CDK12: variants seen among roughly 807,000 people sequenced by gnomAD.
CDK12 encodes cyclin dependent kinase 12, also known as cyclin-dependent kinase 12.
A neutral mutation model predicts 133.8 loss-of-function variants in CDK12; 17 were observed. The ratio of observed to expected loss-of-function variants is 0.13; its 90% CI spans 0.09 to 0.19. CDK12 has a LOEUF of 0.19. CDK12 is among the 10% of genes least tolerant of loss of function. CDK12 has a pLI of 1.00. For synonymous variants in CDK12, 694 were observed against 683.6 expected, an observed-to-expected ratio of 1.02 and a Z score of -0.24; for missense variants, 1,508 against 1,818.7, an observed-to-expected ratio of 0.83 and a Z score of 3.11.
rs906749932 is a variant in CDK12, at chr17:39,462,064, G to T, written c.-8G>T. On this transcript the variant is annotated 5_prime_UTR_variant, in exon 1 of 14. Transcript: ENST00000447079. ...CTTTTTTCCCTTCTTCAGGTCAGGG[G>T]AAAGGGAATGCCCAATTCAGAGAGA... 3.1e-6 allele frequency: 5 copies of T among 1,611,416 alleles called. No individual in the cohort carries two copies. In the African/African-American group the frequency reaches 6.7e-5, roughly 22 times the overall value.
intron 10 of CDK12, 83 bp from the exon 11 acceptor site, chr17:39,519,873 T>C: frequency 6.5e-7 from 1 of 1,530,300 alleles, no homozygotes; most frequent in East Asian, 2.3e-5. Context: ...GAATTACAGG[T>C]GTGAGACCCT....
At chr17:39,466,978 T>C (rs2049379109) in intron 1 of CDK12, among the ~76,000 whole-genome samples, 1 of 152,008 alleles carries the variant, frequency 6.6e-6, no homozygotes. Flanking sequence ...TATTTTATTT[T>C]ATTTTATTTT....
At chr17:39,566,606 G>A (rs1050192893), downstream of CDK12, among the ~76,000 whole-genome samples, 11 of 151,998 alleles carry the variant, frequency 7.2e-5, no homozygotes, top group African/African-American at 2.4e-4. Context: ...CTTCCAACCC[G>A]AGCCTTCTGT....
At chr17:39,479,402 G>A (rs569008700) in intron 2 of CDK12, among the ~76,000 whole-genome samples, 3 of 151,518 alleles carry the variant, frequency 2.0e-5, no homozygotes, top group African/African-American at 2.4e-5. Flanking sequence ...GCAGCATAAT[G>A]TTGAGAATGT....
At position 39,520,221 on chromosome 17, in the gene CDK12, G is replaced by C. The variant is rs528379613; in HGVS notation, c.3095+134G>C. The C allele has an allele frequency of 5.5e-5, 45 of 819,678 alleles. No homozygotes were observed. In the South Asian group the frequency reaches 8.7e-4, roughly 16 times the overall value. The allele number at this position is 819,678 out of a possible 1,614,324, so 50.8% of individuals were successfully genotyped here. On this transcript the variant is annotated intron_variant, in intron 11 of 13. Coordinates refer to ENST00000447079, the MANE Select transcript of CDK12 (RefSeq NM_016507.4). ...TCTTTGAGTATTATGGTTGAGGTTT[G>C]TTTTTTTTGTTTTATCTTTGTTGTT...
Position 39,462,249 on chromosome 17 carries a change from G to T in CDK12, c.178G>T (p.Ala60Ser), listed in dbSNP as rs1370702346. The T allele has an allele frequency of 6.2e-7, 1 of 1,614,216 alleles. No homozygotes were observed. The highest frequency in any genetic ancestry group is 1.3e-5 in the African/African-American group (1 of 75,048). ...SKDMGLVTPE[A>S]ASLGTVIKPL... ...AGACATGGGGTTGGTGACCCCCGAA[G>T]CAGCATCCCTGGGCACAGTTATCAA... Residue 60 changes from alanine to serine, a missense_variant, in exon 1 of 14, where the codon GCA becomes TCA. Physicochemically the swap from Ala to Ser is moderately conservative, Grantham distance 99. This residue lies in a region of CDK12 where 460 missense variants were observed against 490.8 expected (regional missense o/e 0.94). Coordinates refer to ENST00000447079, the MANE Select transcript of CDK12 (RefSeq NM_016507.4).
rs1567685867 is a variant in CDK12, at chr17:39,471,336, G to T, written c.1504G>T (p.Asp502Tyr). 6.2e-7 allele frequency: 1 copy of T among 1,614,002 alleles called. No individual in the cohort carries two copies. The highest frequency in any genetic ancestry group is 8.5e-7 in the Non-Finnish European group (1 of 1,179,934). ...AGATTTGAAAGCACAGGGAACAAGA[G>T]ACTCTAAACCCATAGCACTGAAAGA... ...VKDLKAQGTR[D>Y]SKPIALKEEI... The change falls in exon 2 of 14, where the codon GAC (aspartate) becomes TAC (tyrosine). Residue 502 changes from aspartate to tyrosine, a missense_variant. Physicochemically the swap from Asp to Tyr is radical, Grantham distance 160. Around this residue, in one of 9 missense-constraint regions of CDK12, gnomAD observed 347 missense variants for 330.8 expected, o/e 1.05. Coordinates refer to ENST00000447079, the MANE Select transcript of CDK12 (RefSeq NM_016507.4).
chr17:39,479,605 GT>G (rs892240863), intron 2 of CDK12, among the ~76,000 whole-genome samples: 2 of 150,744 alleles, frequency 1.3e-5, no homozygotes, highest in African/African-American at 2.4e-5. Flanking sequence ...GGATTTGTCT[GT>G]TTTTTTTTGT....
chr17:39,505,829 G>A (rs1317721401), intron 6 of CDK12, among the ~76,000 whole-genome samples: 2 of 152,146 alleles, frequency 1.3e-5, no homozygotes, highest in African/African-American at 4.8e-5. Context: ...CGTACTGCAG[G>A]ACTTGAGTTT....
At chr17:39,522,086 A>G (rs1490678807) in intron 11 of CDK12, among the ~76,000 whole-genome samples, 1 of 151,986 alleles carries the variant, frequency 6.6e-6, no homozygotes, top group Non-Finnish European at 1.5e-5. Flanking sequence ...TTGCAGAGAT[A>G]GTCCCAGTTT....
chr17:39,565,413 C>CTATTTGTT (rs1555595526), downstream of CDK12, among the ~76,000 whole-genome samples: 1 of 144,746 alleles, frequency 6.9e-6, no homozygotes, highest in Non-Finnish European at 1.5e-5. Flanking sequence ...CGCACCCAGC[C>CTATTTGTT]TGTTTGTTTG....
At chr17:39,555,994 ACCATACTCCAG>A (rs1260348434) in intron 2 of CDK12, among the ~76,000 whole-genome samples, 1 of 148,430 alleles carries the variant, frequency 6.7e-6, no homozygotes, top group Non-Finnish European at 1.5e-5. Context: ...AGATTGTGCC[ACCATACTCCAG>A]CCTGGGTAAC....
chr17:39,489,124 C>T (rs1169972252), intron 2 of CDK12, among the ~76,000 whole-genome samples: 7 of 148,830 alleles, frequency 4.7e-5, no homozygotes, highest in East Asian at 2.0e-4. Flanking sequence ...TCTGTCTCTC[C>T]GGCTGGAGTG....
intron 1 of CDK12, among the ~76,000 whole-genome samples, chr17:39,540,657 G>C (rs895685193): frequency 6.6e-6 from 1 of 152,170 alleles, no homozygotes; most frequent in Admixed American, 6.5e-5. Flanking sequence ...GCCTTTTTCT[G>C]TCCCTCCCTA....
intron 3 of CDK12, among the ~76,000 whole-genome samples, chr17:39,560,919 G>A (rs2056349123): frequency 6.6e-6 from 1 of 152,178 alleles, no homozygotes; most frequent in Non-Finnish European, 1.5e-5. Flanking sequence ...GGAGGCTGAG[G>A]CAGGAGAATC....
At chr17:39,549,206 G>A (rs1367255620), upstream of CDK12, 1 of 152,030 alleles carries the variant, frequency 6.6e-6, no homozygotes, top group African/African-American at 2.4e-5. Flanking sequence ...GGGGCCAGAG[G>A]GCTTTGCAGA....
At chr17:39,487,319 TG>T (rs1343041865) in intron 2 of CDK12, among the ~76,000 whole-genome samples, 1 of 152,208 alleles carries the variant, frequency 6.6e-6, no homozygotes, top group Non-Finnish European at 1.5e-5. Context: ...CATTCTTTTA[TG>T]GAAAATTCAC....
chr17:39,482,571 T>C (rs1279952491), intron 2 of CDK12, among the ~76,000 whole-genome samples: 1 of 144,704 alleles, frequency 6.9e-6, no homozygotes, highest in Non-Finnish European at 1.5e-5. Context: ...TTTTAGTGTA[T>C]GTGCTGCCAA....
chr17:39,488,658 T>C (rs978893324), intron 2 of CDK12, among the ~76,000 whole-genome samples: 3 of 152,188 alleles, frequency 2.0e-5, no homozygotes, highest in African/African-American at 4.8e-5. Context: ...GTTAAATCTT[T>C]GCTAAAATGT....
Sources: gnomAD v4.1 joint callset for allele counts (sites outside exome capture counted in the v4.1 genomes callset) on GRCh38, gnomAD v4.1.1 for gene constraint, gnomAD v4.1.1 regional missense constraint, MANE v1.5 for transcripts, NCBI Gene and HGNC (gene_info 2026-07-23, HGNC 2026-07-21) for gene names.